The following ZNF214 variants were observed in gnomAD, a reference collection of about 807,000 sequenced individuals.
ZNF214 encodes BWSCR2-associated zinc finger protein 1.
ZNF214 carries 43 observed loss-of-function variants against 53.9 expected under a neutral mutation model. That is an observed-to-expected ratio of 0.80 (90% CI 0.63 to 1.03). The LOEUF (loss-of-function observed/expected upper bound fraction) is 1.03, where lower values mean the gene tolerates loss of function less well. ZNF214 is among the 50% of genes least tolerant of loss of function. ZNF214 has a pLI of 0.00. For missense variants in ZNF214, 724 were observed against 719.1 expected (o/e 1.01, Z -0.08); for synonymous variants, 217 against 229.5 (o/e 0.95, Z 0.49).
At position 6,999,099 on chromosome 11, in the gene ZNF214, C is replaced by G. The variant is rs1267443437; in HGVS notation, c.*763G>C. ...CCAATGGAGTATCTTCCATTTCTAG[C>G]ACTTTTGTCCATACCCTTCACACCT... On this transcript the variant is annotated 3_prime_UTR_variant, in exon 3 of 3. Transcript: ENST00000278314. Among the ~76,000 whole-genome samples, 1 of 151,904 alleles carries G rather than the reference C, an allele frequency of 6.6e-6. No individual in the cohort carries two copies. Among genetic ancestry groups the G allele is most frequent in the African/African-American group, 2.4e-5 (1 of 41,394 alleles).
chr11:7,018,674 G>T (rs1005395978), intron 1 of ZNF214, among the ~76,000 whole-genome samples: 1 of 151,750 alleles, frequency 6.6e-6, no homozygotes, highest in African/African-American at 2.4e-5. Context: ...GCTAATTTTT[G>T]TATTTATAGT....
chr11:7,007,851 C>A (rs1406983008), intron 1 of ZNF214, among the ~76,000 whole-genome samples: 1 of 114,320 alleles, frequency 8.7e-6, no homozygotes, highest in Non-Finnish European at 2.0e-5. Flanking sequence ...TAAGATAGAC[C>A]ATGTATTAGT....
At chr11:7,003,310 C>T (rs1043392748) in intron 1 of ZNF214, among the ~76,000 whole-genome samples, 2 of 151,854 alleles carry the variant, frequency 1.3e-5, no homozygotes, top group Admixed American at 1.3e-4. Context: ...TTCTAAATTT[C>T]AATTTAAAAT....
intron 1 of ZNF214, among the ~76,000 whole-genome samples, chr11:7,017,284 T>C (rs1851791894): frequency 6.6e-6 from 1 of 152,182 alleles, no homozygotes; most frequent in African/African-American, 2.4e-5. Context: ...CAAGTTCACA[T>C]AACATTTCTA....
At position 7,000,250 on chromosome 11, in the gene ZNF214, C is replaced by T. The variant is rs1351816857; in HGVS notation, c.1433G>A (p.Gly478Asp). The T allele has an allele frequency of 6.2e-7, 1 of 1,613,324 alleles. No individual in the cohort carries two copies. The highest frequency in any genetic ancestry group is 1.3e-5 in the African/African-American group (1 of 74,956). ...GTGAAGCTTTGAACTCTTACTGAAG[C>T]CCTTCCCACATTCAGGACAAGTATA... ...KPYTCPECGK[G>D]FSKSSKLHTH... Residue 478 changes from glycine (G) to aspartate (D), a missense_variant, in exon 3 of 3, where the codon GGC becomes GAC. Gly to Asp is a moderately conservative substitution (Grantham distance 94). Coordinates refer to ENST00000278314, the MANE Select transcript of ZNF214 (RefSeq NM_013249.4).
rs1255169112 is a variant in ZNF214 at position 7,000,426 on chromosome 11, A to G, written c.1257T>C (p.Cys419=). Residue 419 remains cysteine (C), a synonymous_variant, in exon 3 of 3, where the codon TGT becomes TGC. Coordinates refer to ENST00000278314, the MANE Select transcript of ZNF214 (RefSeq NM_013249.4). The part of the protein sequence containing the change: ...TGEKSYKCED[C]GKGFTQRSNL... ...TTGAGCGCTGGGTAAAGCCTTTACC[A>G]CAGTCTTCACATTTATAAGACTTCT... 2 of 1,613,416 alleles carry G rather than the reference A, an allele frequency of 1.2e-6. No individual in the cohort carries two copies. The highest frequency in any genetic ancestry group is 1.7e-4 in the Middle Eastern group (1 of 6,054).
At chr11:7,004,592 G>A (rs7925309) in intron 1 of ZNF214, among the ~76,000 whole-genome samples, 6,398 of 152,094 alleles carry the variant, frequency 0.042, 448 homozygotes, top group African/African-American at 0.14. Flanking sequence ...CTTTGGAGGC[G>A]GGGTCATAAA....
At chr11:7,011,584 T>G (rs1010356216) in intron 1 of ZNF214, among the ~76,000 whole-genome samples, 8 of 152,078 alleles carry the variant, frequency 5.3e-5, no homozygotes, top group African/African-American at 1.9e-4. Flanking sequence ...ATGGAGAAAC[T>G]TCACATATAT....
intron 2 of ZNF214, among the ~76,000 whole-genome samples, chr11:7,001,975 A>G (rs1851364952): frequency 6.6e-6 from 1 of 152,018 alleles, no homozygotes. Flanking sequence ...AGATTGAGAA[A>G]AAATGACTAC....
Position 7,000,255 on chromosome 11 carries a change from C to G in ZNF214, c.1428G>C (p.Gly476=). Residue 476 remains glycine, a synonymous_variant, in exon 3 of 3, where the codon GGG becomes GGC. Transcript: ENST00000278314. ...GCTTTGAACTCTTACTGAAGCCCTT[C>G]CCACATTCAGGACAAGTATAGGGTT... is the stretch of plus-strand genomic sequence containing the variant. The part of the protein sequence containing the change: ...GEKPYTCPEC[G]KGFSKSSKLH... 1 of 1,612,930 alleles carries G rather than the reference C, an allele frequency of 6.2e-7. No homozygotes were observed. Among genetic ancestry groups the G allele is most frequent in the Non-Finnish European group, 8.5e-7 (1 of 1,179,528 alleles).
chr11:7,006,729 C>T (rs1392073589), intron 1 of ZNF214, among the ~76,000 whole-genome samples: 2 of 151,916 alleles, frequency 1.3e-5, no homozygotes, highest in Non-Finnish European at 1.5e-5. Context: ...TTTTATTCTT[C>T]CTTTCCTGTC....
chr11:7,001,630 A>G (rs1851357328), intron 2 of ZNF214, 75 bp from the exon 3 acceptor site: 1 of 1,474,572 alleles, frequency 6.8e-7, no homozygotes, highest in Non-Finnish European at 9.0e-7. Context: ...TAAATCAATG[A>G]CCTTTAAATG....
chr11:7,017,815 G>T (rs975282911), intron 1 of ZNF214, among the ~76,000 whole-genome samples: 1 of 151,434 alleles, frequency 6.6e-6, no homozygotes, highest in South Asian at 2.1e-4. Context: ...TAAAACTCAT[G>T]CTACCAAAAC....
intron 1 of ZNF214, among the ~76,000 whole-genome samples, chr11:7,017,607 C>T (rs145465924): frequency 0.048 from 7,245 of 151,974 alleles, 560 homozygotes; most frequent in African/African-American, 0.16. Context: ...GGCATGGTGG[C>T]GTGCACCTGT....
At position 6,998,686 on chromosome 11, in the gene ZNF214, TTC is replaced by T. The variant is rs1368362257; in HGVS notation, c.*1174_*1175del. Among the ~76,000 whole-genome samples the T allele has an allele frequency of 2.0e-5, 3 of 151,960 alleles. No individual in the cohort carries two copies. Among genetic ancestry groups the T allele is most frequent in the Non-Finnish European group, 2.9e-5 (2 of 67,912 alleles). On this transcript the variant is annotated 3_prime_UTR_variant, in exon 3 of 3. Transcript: ENST00000278314. Reference sequence around the variant, plus strand: ...CTACTCTATCTTTACTGAGTTCAGATTCTCTGTTATGCCACTAAGGACACCAA... The same window carrying T: ...CTACTCTATCTTTACTGAGTTCAGATTCTGTTATGCCACTAAGGACACCAA...
intron 1 of ZNF214, among the ~76,000 whole-genome samples, chr11:7,016,217 C>T (rs1165340641): frequency 6.6e-6 from 1 of 152,088 alleles, no homozygotes; most frequent in African/African-American, 2.4e-5. Context: ...CTTAACAGCC[C>T]TACACAGCAG....
In ZNF214 at chr11:6,999,964, T is replaced by C. The variant is rs773435580; in HGVS notation, c.1719A>G (p.Gln573=). Residue 573 remains glutamine (Q), a synonymous_variant, in exon 3 of 3, where the codon CAA becomes CAG. Coordinates refer to ENST00000278314, the MANE Select transcript of ZNF214 (RefSeq NM_013249.4). ...FSHSSALRIH[Q]RVHAGEKPYK... Reference sequence around the variant, plus strand: ...AAGGTTTCTCTCCTGCATGGACTCTTTGATGAATTCGAAGAGCTGAGCTAT... The same window carrying C: ...AAGGTTTCTCTCCTGCATGGACTCTCTGATGAATTCGAAGAGCTGAGCTAT... 5 of 1,613,040 alleles carry C rather than the reference T, an allele frequency of 3.1e-6. No homozygotes were observed. The South Asian group carries it at 3.3e-5, about 11-fold the overall frequency.
intron 1 of ZNF214, among the ~76,000 whole-genome samples, chr11:7,005,460 T>A (rs1851452197): frequency 6.6e-6 from 1 of 152,084 alleles, no homozygotes; most frequent in Non-Finnish European, 1.5e-5. Context: ...ATACTGCTTA[T>A]AAGAGATATA....
chr11:7,012,391 TAAGTACTTA>T (rs904606015), intron 1 of ZNF214, among the ~76,000 whole-genome samples: 1 of 151,934 alleles, frequency 6.6e-6, no homozygotes, highest in African/African-American at 2.4e-5. Context: ...ATAGATCAAG[TAAGTACTTA>T]AATGTTAAGG....
Sources: gnomAD v4.1 joint callset for allele counts (sites outside exome capture counted in the v4.1 genomes callset) on GRCh38, gnomAD v4.1.1 for gene constraint, MANE v1.5 for transcripts, NCBI Gene and HGNC (gene_info 2026-07-23, HGNC 2026-07-21) for gene names.